PABPC4L: variants seen among roughly 807,000 people sequenced by gnomAD.
The protein encoded by PABPC4L is poly(A) binding protein cytoplasmic 4 like.
For missense variants in PABPC4L, 452 were observed against 451.4 expected, an observed-to-expected ratio of 1.00 and a Z score of -0.01; for synonymous variants, 169 against 164.1, an observed-to-expected ratio of 1.03 and a Z score of -0.23.
chr4:134,200,495 T>A lies in PABPC4L; in HGVS notation c.525A>T (p.Arg175=). 6.4e-7 allele frequency: 1 copy of A among 1,551,654 alleles called. No individual in the cohort carries two copies. Among genetic ancestry groups the A allele is most frequent in the South Asian group, 1.2e-5 (1 of 84,068 alleles). The change falls in exon 2 of 2, where the codon CGA becomes CGT. Residue 175 remains arginine, a synonymous_variant. Transcript: ENST00000421491. Reference sequence around the variant, plus strand: ...TTCTGAGTTCAGCTTCACGATCTTTTCGGTTTTTGAATCTGCCAACAAACA... The same window carrying A: ...TTCTGAGTTCAGCTTCACGATCTTTACGGTTTTTGAATCTGCCAACAAACA... ...CKVFVGRFKN[R]KDREAELRSK... is the part of the protein sequence containing the mutation.
the PABPC4L span, among the ~76,000 whole-genome samples, chr4:134,016,184 T>C: frequency 6.6e-6 from 1 of 152,164 alleles, no homozygotes; most frequent in Admixed American, 6.5e-5. Flanking sequence ...CATCTGTCAT[T>C]GAGGCTACTG....
the PABPC4L span, among the ~76,000 whole-genome samples, chr4:134,076,764 TATAG>T: frequency 2.0e-5 from 3 of 152,114 alleles, no homozygotes; most frequent in African/African-American, 7.2e-5. Context: ...GTTATGGATA[TATAG>T]ACATACCCAT....
chr4:133,987,884 T>G, the PABPC4L span, among the ~76,000 whole-genome samples: 5 of 152,296 alleles, frequency 3.3e-5, no homozygotes, highest in East Asian at 9.6e-4. Flanking sequence ...GAGGTTTAAT[T>G]GACTCACAGC....
At chr4:134,157,007 ATTAAT>A in the PABPC4L span, among the ~76,000 whole-genome samples, 1 of 151,862 alleles carries the variant, frequency 6.6e-6, no homozygotes, top group Non-Finnish European at 1.5e-5. Context: ...TAAAAATGAT[ATTAAT>A]TCAATTTTTT....
chr4:134,199,486 T>TA lies in PABPC4L; in HGVS notation c.*420dup, dbSNP rs1459894144. On this transcript the variant is annotated 3_prime_UTR_variant, in exon 2 of 2. Transcript: ENST00000421491. ...TGAAAAATTAGAAAATTTCTGTTGG[T>TA]AAAAATACTTTGGAATCTTTAGTTG... The TA allele has an allele frequency of 6.5e-6, 1 of 152,880 alleles. No homozygotes were observed. Among genetic ancestry groups the TA allele is most frequent in the Non-Finnish European group, 1.5e-5 (1 of 68,504 alleles). The allele number at this position is 152,880 out of a possible 1,614,324, so 9.5% of individuals were successfully genotyped here.
At chr4:134,061,581 C>A in the PABPC4L span, among the ~76,000 whole-genome samples, 1 of 150,366 alleles carries the variant, frequency 6.7e-6, no homozygotes, top group African/African-American at 2.4e-5. Flanking sequence ...TGACACCAGT[C>A]TTTAATATAA....
chr4:134,075,230 A>G, the PABPC4L span, among the ~76,000 whole-genome samples: 4 of 152,092 alleles, frequency 2.6e-5, no homozygotes, highest in Non-Finnish European at 4.4e-5. Flanking sequence ...AGGTGATTTT[A>G]ATTTAGAGAT....
the PABPC4L span, among the ~76,000 whole-genome samples, chr4:133,998,290 T>C: frequency 6.6e-6 from 1 of 151,984 alleles, no homozygotes; most frequent in African/African-American, 2.4e-5. Context: ...ATTTATTTAA[T>C]TGGCATGAGC....
the PABPC4L span, among the ~76,000 whole-genome samples, chr4:134,160,339 A>G: frequency 6.6e-6 from 1 of 152,060 alleles, no homozygotes; most frequent in African/African-American, 2.4e-5. Context: ...ATCCCAGATA[A>G]TACACCCTCC....
chr4:134,035,940 A>G, the PABPC4L span, among the ~76,000 whole-genome samples: 1 of 151,986 alleles, frequency 6.6e-6, no homozygotes, highest in African/African-American at 2.4e-5. Flanking sequence ...GTCCCTTATA[A>G]AACCATCAGA....
chr4:133,977,844 C>T, the PABPC4L span: 1 of 152,132 alleles, frequency 6.6e-6, no homozygotes, highest in East Asian at 1.9e-4. Context: ...AACATATTCC[C>T]AGGTACATGG....
chr4:134,065,226 T>C, the PABPC4L span, among the ~76,000 whole-genome samples: 1 of 152,106 alleles, frequency 6.6e-6, no homozygotes, highest in Non-Finnish European at 1.5e-5. Flanking sequence ...TGTATAAGCT[T>C]TCCCTTTTCT....
chr4:134,133,869 G>C, the PABPC4L span, among the ~76,000 whole-genome samples: 1 of 151,882 alleles, frequency 6.6e-6, no homozygotes, highest in Non-Finnish European at 1.5e-5. Flanking sequence ...CTAGGTCATT[G>C]ATAATATGAG....
the PABPC4L span, among the ~76,000 whole-genome samples, chr4:134,089,479 C>G: frequency 6.6e-6 from 1 of 152,046 alleles, no homozygotes; most frequent in Non-Finnish European, 1.5e-5. Flanking sequence ...AATAATGACA[C>G]TTAGCTACCA....
chr4:134,155,199 C>A, the PABPC4L span, among the ~76,000 whole-genome samples: 105,668 of 151,870 alleles, frequency 0.7, 38,110 homozygotes, highest in East Asian at 1. Context: ...TTTGACGGGC[C>A]TGAAAGCTAT....
the PABPC4L span, among the ~76,000 whole-genome samples, chr4:134,064,710 A>G: frequency 6.6e-6 from 1 of 152,088 alleles, no homozygotes; most frequent in Admixed American, 6.6e-5. Flanking sequence ...GGTAAGAAGC[A>G]TAAAATGCAA....
At chr4:134,190,177 C>T in the PABPC4L span, among the ~76,000 whole-genome samples, 1 of 152,092 alleles carries the variant, frequency 6.6e-6, no homozygotes, top group South Asian at 2.1e-4. Flanking sequence ...GCTTGTGAGC[C>T]TCTGTTCTGC....
At chr4:134,083,923 T>G in the PABPC4L span, among the ~76,000 whole-genome samples, 75,988 of 151,960 alleles carry the variant, frequency 0.5, 20,147 homozygotes, top group East Asian at 0.93. Context: ...AATTTATTCA[T>G]GTACATTTAT....
At chr4:134,063,692 A>G in the PABPC4L span, among the ~76,000 whole-genome samples, 1 of 152,084 alleles carries the variant, frequency 6.6e-6, no homozygotes, top group Non-Finnish European at 1.5e-5. Flanking sequence ...AAATACTTGT[A>G]TTAAATCATA....
Sources: gnomAD v4.1 joint callset for allele counts (sites outside exome capture counted in the v4.1 genomes callset) on GRCh38, gnomAD v4.1.1 for gene constraint, MANE v1.5 for transcripts, NCBI Gene and HGNC (gene_info 2026-07-23, HGNC 2026-07-21) for gene names.